Variants in XPO1 observed in about 807,000 individuals in gnomAD.
The protein encoded by XPO1 is exportin 1.
Under a neutral mutation model 133.3 loss-of-function variants are expected in XPO1, and 5 were observed. That is an observed-to-expected ratio of 0.04 (90% CI 0.02 to 0.08). The LOEUF is 0.08. Ranked by LOEUF, XPO1 falls within the 10% of genes least tolerant of loss-of-function variation. XPO1 has a pLI of 1.00. For synonymous variants in XPO1, 419 were observed against 408.2 expected (o/e 1.03, Z -0.32); for missense variants, 506 against 1,267.5 (o/e 0.40, Z 9.12).
intron 2 of XPO1, among the ~76,000 whole-genome samples, chr2:61,532,920 G>T (rs748362341): frequency 5.3e-5 from 8 of 152,062 alleles, no homozygotes; most frequent in Non-Finnish European, 7.4e-5. Context: ...GCTCATGCCT[G>T]TAATCCCAGC....
chr2:61,493,715 T>G (rs538218011), intron 12 of XPO1, 179 bp downstream of exon 12: 2 of 666,638 alleles, frequency 3.0e-6, no homozygotes, highest in East Asian at 2.7e-5. Context: ...AGGACCACAC[T>G]CTTGAGAATC....
intron 23 of XPO1, among the ~76,000 whole-genome samples, chr2:61,482,025 G>A (rs1361624556): frequency 2.3e-4 from 6 of 26,464 alleles, no homozygotes; most frequent in South Asian, 1.0e-3. Context: ...ATGAGCCACC[G>A]TGCGTGGCCT....
intron 7 of XPO1, among the ~76,000 whole-genome samples, chr2:61,499,512 T>C (rs1558646938): frequency 6.6e-6 from 1 of 152,228 alleles, no homozygotes; most frequent in South Asian, 2.1e-4. Context: ...AAGTGTGTCT[T>C]GAACAATTCA....
In XPO1 at chr2:61,488,249, T is replaced by C. The variant is rs368125923; in HGVS notation, c.2229A>G (p.Pro743=). The C allele has an allele frequency of 2.5e-6, 4 of 1,613,814 alleles. No homozygotes were observed. The highest frequency in any genetic ancestry group is 1.3e-5 in the African/African-American group (1 of 74,918). The change falls in exon 19 of 25, where the codon CCA becomes CCG. Residue 743 remains proline (P), a synonymous_variant. Coordinates refer to ENST00000401558, the MANE Select transcript of XPO1 (RefSeq NM_003400.4). ...QANGEMVTKQ[P]LIRSMRTVKR... ...TTACAGTTCGCATACTTCTAATCAA[T>C]GGTTGCTTTGTAACCATTTCACCTA...
intron 4 of XPO1, among the ~76,000 whole-genome samples, chr2:61,507,620 G>A (rs1360221791): frequency 6.6e-6 from 1 of 151,974 alleles, no homozygotes; most frequent in East Asian, 1.9e-4. Context: ...GCTCAAGCCT[G>A]TAATCCCAGT....
chr2:61,504,689 C>T (rs147234962), intron 4 of XPO1, among the ~76,000 whole-genome samples: 1,928 of 152,282 alleles, frequency 0.013, 16 homozygotes, highest in Non-Finnish European at 0.021. Context: ...AGGAAACTGA[C>T]AACCTGAAGG....
At chr2:61,537,355 G>GCCGCCTCC (rs2104875123) in intron 1 of XPO1, among the ~76,000 whole-genome samples, 1 of 151,286 alleles carries the variant, frequency 6.6e-6, no homozygotes, top group South Asian at 2.1e-4. Flanking sequence ...CCCTCCCGAG[G>GCCGCCTCC]CCGCCTCCCC....
At chr2:61,525,906 C>G (rs769873073) in intron 3 of XPO1, 1 of 1,048,172 alleles carries the variant, frequency 9.5e-7, no homozygotes, top group South Asian at 4.6e-5. Flanking sequence ...CTAAAACAGA[C>G]AAAACACATT....
rs1165045183 is a variant in XPO1, at chr2:61,492,350, A to T, written c.1698T>A (p.Val566=). 6.2e-7 allele frequency: 1 copy of T among 1,603,642 alleles called. No homozygotes were observed. Among genetic ancestry groups the T allele is most frequent in the Non-Finnish European group, 8.5e-7 (1 of 1,177,612 alleles). The part of the protein sequence containing the change: ...RAHWKFLKTV[V]NKLFEFMHET... ...CATGCATGAATTCGAACAGCTTGTTAACTACAGTCTTCAGAAATTTCCAGT... is the reference window on the plus strand; with the variant it reads ...CATGCATGAATTCGAACAGCTTGTTTACTACAGTCTTCAGAAATTTCCAGT... Residue 566 remains valine (V), a synonymous_variant, in exon 15 of 25, where the codon GTT becomes GTA. Transcript: ENST00000401558. This position sits in a 1 kb window ranked among gnomAD's most constrained non-coding sequence, Gnocchi z 5.6.
chr2:61,486,228 G>A (rs1272526937), intron 19 of XPO1, among the ~76,000 whole-genome samples: 2 of 151,984 alleles, frequency 1.3e-5, no homozygotes, highest in Non-Finnish European at 1.5e-5. Flanking sequence ...AGACCAGAGT[G>A]CAGTGGCAAA....
At chr2:61,512,950 A>T (rs1213490182) in intron 4 of XPO1, among the ~76,000 whole-genome samples, 2 of 152,166 alleles carry the variant, frequency 1.3e-5, no homozygotes. Context: ...CAGTGAGCCA[A>T]GATCGCGCCA....
At chr2:61,504,361 A>T (rs1312824473) in intron 4 of XPO1, among the ~76,000 whole-genome samples, 1 of 152,220 alleles carries the variant, frequency 6.6e-6, no homozygotes. Context: ...AATTCTGAGA[A>T]CATTTTTAAA....
chr2:61,508,884 T>C (rs1437551177), intron 4 of XPO1, among the ~76,000 whole-genome samples: 1 of 152,070 alleles, frequency 6.6e-6, no homozygotes, highest in Non-Finnish European at 1.5e-5. Context: ...CCTAGAAAAA[T>C]CCTTAAAATG....
chr2:61,495,536 G>C lies in XPO1; in HGVS notation c.966C>G (p.Leu322=). The C allele has an allele frequency of 6.3e-7, 1 of 1,595,432 alleles. No homozygotes were observed. The highest frequency in any genetic ancestry group is 8.6e-7 in the Non-Finnish European group (1 of 1,167,874). Residue 322 remains leucine, a synonymous_variant, in exon 11 of 25, where the codon CTC becomes CTG. Transcript: ENST00000401558. ...TAAGAAAGGTGCAGAGAAACAAACT[G>C]AGATTTTGAATGAAGTTCTGTTCAT... ...KDDEQNFIQN[L]SLFLCTFLKE... is the part of the protein sequence containing the mutation.
intron 19 of XPO1, 21 bp from the exon 20 acceptor site, chr2:61,485,983 A>G (rs771834366): frequency 6.3e-7 from 1 of 1,588,646 alleles, no homozygotes; most frequent in Non-Finnish European, 8.6e-7. Flanking sequence ...GGGAAAAAAA[A>G]GTTATGTTTT....
chr2:61,533,307 C>CA (rs1421186306), intron 2 of XPO1, among the ~76,000 whole-genome samples: 1 of 152,136 alleles, frequency 6.6e-6, no homozygotes, highest in African/African-American at 2.4e-5. Context: ...TTAAACTGAT[C>CA]AAAATTTGGT....
At chr2:61,530,387 TAAA>T (rs912252260) in intron 2 of XPO1, among the ~76,000 whole-genome samples, 2 of 148,702 alleles carry the variant, frequency 1.3e-5, no homozygotes, top group East Asian at 3.9e-4. Flanking sequence ...AGCAGGGGTT[TAAA>T]AAAAAAAGAC....
chr2:61,488,432 G>GA (rs1696799958), intron 18 of XPO1, among the ~76,000 whole-genome samples, 156 bp downstream of exon 18: 1 of 152,184 alleles, frequency 6.6e-6, no homozygotes, highest in African/African-American at 2.4e-5. Flanking sequence ...TTTTAAAAGG[G>GA]AAAGGTACAC....
chr2:61,524,577 C>T (rs1187313080), intron 3 of XPO1, among the ~76,000 whole-genome samples: 1 of 152,192 alleles, frequency 6.6e-6, no homozygotes, highest in Non-Finnish European at 1.5e-5. Context: ...CTCTCCCAGA[C>T]ATAAAGACTT....
Sources: allele counts gnomAD v4.1 joint callset (sites outside exome capture counted in the v4.1 genomes callset), GRCh38; gene constraint gnomAD v4.1.1; non-coding constraint Gnocchi (gnomAD v3.1); transcripts MANE v1.5; gene names NCBI Gene and HGNC (gene_info 2026-07-23, HGNC 2026-07-21).